The following TRPM1 variants were observed in gnomAD, a reference collection of about 807,000 sequenced individuals.
TRPM1 encodes the protein TRPM1-203 APA Isoform, Intron 10.
In TRPM1, 113 loss-of-function variants were observed where a neutral mutation model predicts 149.4. That is an observed-to-expected ratio of 0.76 (90% CI 0.65 to 0.88). The LOEUF (loss-of-function observed/expected upper bound fraction) is 0.88, where lower values mean the gene tolerates loss of function less well. TRPM1 is among the 40% of genes least tolerant of loss of function. The pLI, the probability that TRPM1 is intolerant of heterozygous loss-of-function variation, is 0.00. For missense variants in TRPM1, 1,976 were observed against 2,038.7 expected (o/e 0.97, Z 0.59); for synonymous variants, 741 against 759.5 (o/e 0.98, Z 0.40).
chr15:31,035,223 C>T (rs971367876), intron 21 of TRPM1, among the ~76,000 whole-genome samples: 15 of 152,196 alleles, frequency 9.9e-5, no homozygotes, highest in East Asian at 1.9e-4. Flanking sequence ...AGGCTGGTTT[C>T]GAATTACTGC....
At chr15:31,081,732 G>C (rs1360330241) in intron 1 of TRPM1, among the ~76,000 whole-genome samples, 1 of 152,140 alleles carries the variant, frequency 6.6e-6, no homozygotes, top group African/African-American at 2.4e-5. Context: ...CCTGGCGAGA[G>C]CTCAACATCT....
chr15:31,070,651 C>A (rs541907736), intron 3 of TRPM1, among the ~76,000 whole-genome samples: 1 of 152,078 alleles, frequency 6.6e-6, no homozygotes, highest in Non-Finnish European at 1.5e-5. Context: ...CTCCCCCAAG[C>A]TCAGGTGATC....
chr15:31,100,444 C>G (rs1403042977), intron 1 of TRPM1, among the ~76,000 whole-genome samples: 1 of 151,986 alleles, frequency 6.6e-6, no homozygotes, highest in Non-Finnish European at 1.5e-5. Context: ...TTTAAAAAAA[C>G]ATACACATTG....
chr15:31,046,288 G>A, intron 15 of TRPM1, 55 bp from the exon 16 acceptor site: 1 of 1,509,980 alleles, frequency 6.6e-7, no homozygotes, highest in Non-Finnish European at 9.2e-7. Flanking sequence ...ACTAATGTTA[G>A]TAGTACATTA....
Position 31,068,106 on chromosome 15 carries a change from T to C in TRPM1, c.280-14A>G. On this transcript the variant is annotated splice_polypyrimidine_tract_variant and intron_variant, in intron 4 of 27. Transcript: ENST00000256552. Reference sequence around the variant, plus strand: ...TACACGGATATACTGTGAAAGAGTGTGTGGCACTCAGCCTCTGTTCTTGGT... The same window carrying C: ...TACACGGATATACTGTGAAAGAGTGCGTGGCACTCAGCCTCTGTTCTTGGT... 1 of 1,608,776 alleles carries C rather than the reference T, an allele frequency of 6.2e-7. No homozygotes were observed. The highest frequency in any genetic ancestry group is 8.5e-7 in the Non-Finnish European group (1 of 1,175,230).
intron 23 of TRPM1, among the ~76,000 whole-genome samples, chr15:31,029,612 A>T (rs560895420): frequency 6.6e-6 from 1 of 152,354 alleles, no homozygotes; most frequent in East Asian, 1.9e-4. Flanking sequence ...TCATTCTAGA[A>T]AATATATATC....
chr15:31,082,467 T>A (rs765446282), intron 1 of TRPM1, among the ~76,000 whole-genome samples: 120 of 152,110 alleles, frequency 7.9e-4, no homozygotes, highest in Non-Finnish European at 6.5e-4. Flanking sequence ...TGGCTTTGAG[T>A]GGTTTTGAGC....
rs34186876 is a variant in TRPM1, at chr15:31,021,702, T to TA, written c.3629+4436dup. On this transcript the variant is annotated intron_variant, in intron 27 of 27. Transcript: ENST00000256552. ...CAAAGCAGTACCCTGTCTCTAGAAT[T>TA]AAAAAAAAAAAAAAAAAAGACAAAA... Among the ~76,000 whole-genome samples, 1,054 of 119,344 alleles carry TA rather than the reference T, an allele frequency of 8.8e-3. 17 individuals carry two copies. The highest frequency in any genetic ancestry group is 0.023 in the East Asian group (96 of 4,216). 78.3% of individuals were successfully genotyped at this position (119,344 alleles called of 152,430 possible). A position where few individuals can be genotyped will look rare whatever the true frequency, so the allele number is the denominator to read the frequency against.
At chr15:31,091,492 T>C (rs1246082980) in intron 1 of TRPM1, among the ~76,000 whole-genome samples, 2 of 152,116 alleles carry the variant, frequency 1.3e-5, no homozygotes, top group African/African-American at 4.8e-5. Flanking sequence ...CTCTGAGGGA[T>C]GGAGACCCAG....
chr15:31,070,278 C>T (rs1475863224), intron 3 of TRPM1, 52 bp from the exon 4 acceptor site: 2 of 1,558,270 alleles, frequency 1.3e-6, no homozygotes, highest in Admixed American at 1.7e-5. Context: ...CCCCTTTCCC[C>T]TTCATTAGCA....
At position 31,032,689 on chromosome 15, in the gene TRPM1, C is replaced by T. The variant is rs1343418411; in HGVS notation, c.2952G>A (p.Met984Ile). ...ATACCCACAGGATGCCACTACTAAC[C>T]ATCTTTCCAATCATCATCACGTATG... ...LGPYVMMIGK[M>I]MIDMLYFVVI... The change falls in exon 22 of 28, where the codon ATG becomes ATA. Residue 984 changes from methionine (M) to isoleucine (I), a missense_variant and splice_region_variant. Around this residue, in one of 3 missense-constraint regions of TRPM1, gnomAD observed 1,332 missense variants for 1,347.1 expected, o/e 0.99. Transcript: ENST00000256552. The T allele has an allele frequency of 3.7e-6, 6 of 1,613,964 alleles. No homozygotes were observed. In the South Asian group the frequency reaches 4.4e-5, roughly 12 times the overall value.
intron 11 of TRPM1, among the ~76,000 whole-genome samples, chr15:31,054,810 C>G (rs749185054): frequency 2.0e-5 from 3 of 152,152 alleles, no homozygotes; most frequent in Non-Finnish European, 4.4e-5. Flanking sequence ...AAAATCTACT[C>G]TTTTAGCAAT....
At chr15:31,050,265 G>T in intron 12 of TRPM1, 144 bp downstream of exon 12, 1 of 1,197,142 alleles carries the variant, frequency 8.4e-7, no homozygotes, top group Non-Finnish European at 1.2e-6. Context: ...GTTGTAGTTT[G>T]AAATGCTGAC....
intron 27 of TRPM1, among the ~76,000 whole-genome samples, chr15:31,011,538 G>A (rs983064042): frequency 2.0e-4 from 31 of 152,030 alleles, no homozygotes; most frequent in Non-Finnish European, 2.1e-4. Context: ...CTACAGGCAT[G>A]CACTACCACA....
intron 1 of TRPM1, 75 bp downstream of exon 1, chr15:31,101,582 G>T (rs958852189): frequency 3.3e-6 from 3 of 904,614 alleles, no homozygotes; most frequent in African/African-American, 1.8e-5. Flanking sequence ...GTTTGTCCAC[G>T]CTTGAGTTTA....
intron 27 of TRPM1, among the ~76,000 whole-genome samples, chr15:31,015,547 A>T (rs1052776601): frequency 1.3e-5 from 2 of 152,234 alleles, no homozygotes; most frequent in Admixed American, 1.3e-4. Context: ...CTCCAAAAAG[A>T]TAGCACAGAA....
intron 5 of TRPM1, 115 bp from the exon 6 acceptor site, chr15:31,067,302 GAC>G (rs2034405781): frequency 7.0e-7 from 1 of 1,433,414 alleles, no homozygotes; most frequent in African/African-American, 1.4e-5. Context: ...TCAGGGGTGA[GAC>G]ACACTCATCT....
chr15:31,103,429 C>T (rs539022356), upstream of TRPM1, among the ~76,000 whole-genome samples: 8 of 152,292 alleles, frequency 5.3e-5, no homozygotes, highest in South Asian at 1.2e-3. Flanking sequence ...TGATAATAAT[C>T]GATTGCACAT....
intron 11 of TRPM1, chr15:31,060,146 T>TAAACACACACACACAC: frequency 3.1e-6 from 1 of 320,592 alleles, no homozygotes. Context: ...CACACACACA[T>TAAACACACACACACAC]AAACACACAC....
Sources: gnomAD v4.1 joint callset for allele counts (sites outside exome capture counted in the v4.1 genomes callset) on GRCh38, gnomAD v4.1.1 for gene constraint, gnomAD v4.1.1 regional missense constraint, MANE v1.5 for transcripts, NCBI Gene and HGNC (gene_info 2026-07-23, HGNC 2026-07-21) for gene names.